The following IFNLR1 variants were observed in gnomAD, a reference collection of about 807,000 sequenced individuals.
IFNLR1 encodes CRF2-12.
IFNLR1 carries 28 observed loss-of-function variants against 52.5 expected under a neutral mutation model. The ratio of observed to expected loss-of-function variants is 0.53; its 90% CI spans 0.40 to 0.73. The LOEUF is 0.73. Among genes scored for constraint, IFNLR1 ranks in the 30% least tolerant of loss-of-function variants. The probability of loss-of-function intolerance (pLI) is 0.00; values close to 1 mark genes in which losing one functional copy is unlikely to be tolerated. For missense variants in IFNLR1, 623 were observed against 659.1 expected, an observed-to-expected ratio of 0.95 and a Z score of 0.60; for synonymous variants, 276 against 274.9, an observed-to-expected ratio of 1.00 and a Z score of -0.04.
intron 2 of IFNLR1, among the ~76,000 whole-genome samples, chr1:24,173,433 T>TAA (rs771942245): frequency 1.1e-4 from 16 of 152,152 alleles, no homozygotes; most frequent in Non-Finnish European, 2.1e-4. Context: ...AAAAGACTGA[T>TAA]AATACTAAGT....
Position 24,157,064 on chromosome 1 carries a change from G to T in IFNLR1, c.*66C>A. The T allele has an allele frequency of 6.6e-7, 1 of 1,519,196 alleles. No individual in the cohort carries two copies. The highest frequency in any genetic ancestry group is 8.8e-7 in the Non-Finnish European group (1 of 1,132,690). 94.1% of individuals were successfully genotyped at this position (1,519,196 alleles called of 1,614,324 possible). A position where few individuals can be genotyped will look rare whatever the true frequency, so the allele number is the denominator to read the frequency against. On this transcript the variant is annotated 3_prime_UTR_variant, in exon 7 of 7. Coordinates refer to ENST00000327535, the MANE Select transcript of IFNLR1 (RefSeq NM_170743.4). This position sits in a 1 kb window ranked among gnomAD's most constrained non-coding sequence, Gnocchi z 5.1. ...AGGTACGGAGGCTCTTGAGTTTCTT[G>T]GGAAGCCCAGTAGTCCTTGCAAAGG...
rs752104875 is a variant in IFNLR1 at position 24,162,876 on chromosome 1, TTTCC to T, written c.368-1196_368-1193del. On this transcript the variant is annotated intron_variant, in intron 3 of 6. Transcript: ENST00000327535. Reference sequence around the variant, plus strand: ...CTTTCTTTCTTTCTTTCTTTCTTTCTTTCCTTCCTTCCTTCCTTCCTTCCTTCCT... The same window carrying T: ...CTTTCTTTCTTTCTTTCTTTCTTTCTTTCCTTCCTTCCTTCCTTCCTTCCT... 3.8e-3 allele frequency among the ~76,000 whole-genome samples: 85 copies of T among 22,590 alleles called. 1 individual carries two copies. Among genetic ancestry groups the T allele is most frequent in the Middle Eastern group, 0.027 (2 of 74 alleles). 14.8% of individuals were successfully genotyped at this position (22,590 alleles called of 152,430 possible). A position where few individuals can be genotyped will look rare whatever the true frequency, so the allele number is the denominator to read the frequency against.
Position 24,159,538 on chromosome 1 carries a change from G to A in IFNLR1, c.606C>T (p.Tyr202=), listed in dbSNP as rs1168450286. The A allele has an allele frequency of 4.3e-6, 7 of 1,614,006 alleles. No individual in the cohort carries two copies. The Admixed American group carries it at 6.7e-5, about 15-fold the overall frequency. ...EHHCLSARTI[Y]TFSVPKYSKF... is the part of the protein sequence containing the mutation. The stretch of plus-strand genomic sequence containing the variant: ...TGCTGTATTTCGGGACACTGAACGT[G>A]TAGATGGTTCTGGCACTGAGGCAGT... The change falls in exon 5 of 7, where the codon TAC becomes TAT. Residue 202 remains tyrosine, a synonymous_variant. Coordinates refer to ENST00000327535, the MANE Select transcript of IFNLR1 (RefSeq NM_170743.4).
rs1233239343 is a variant in IFNLR1 at position 24,162,782 on chromosome 1, CTTTCTTTTTCTTTCTTTCTTT to C, written c.368-1119_368-1099del. On this transcript the variant is annotated intron_variant, in intron 3 of 6. Transcript: ENST00000327535. ...TTTCTTTCTTTCTTTCTTTCTTTTTCTTTCTTTTTCTTTCTTTCTTTTTTCTTTCTTTTTTTCTTCTTTCTT... is the reference window on the plus strand; with the variant it reads ...TTTCTTTCTTTCTTTCTTTCTTTTTCTTTCTTTCTTTTTTTCTTCTTTCTT... Among the ~76,000 whole-genome samples, 43 of 69,020 alleles carry C rather than the reference CTTTCTTTTTCTTTCTTTCTTT, an allele frequency of 6.2e-4. 4 individuals carry two copies. Among genetic ancestry groups the C allele is most frequent in the African/African-American group, 2.3e-3 (42 of 18,078 alleles). The allele number at this position is 69,020 out of a possible 152,430, so 45.3% of individuals were successfully genotyped here.
At chr1:24,170,266 A>G (rs1185208068) in intron 2 of IFNLR1, among the ~76,000 whole-genome samples, 2 of 152,246 alleles carry the variant, frequency 1.3e-5, no homozygotes, top group African/African-American at 4.8e-5. Flanking sequence ...GCTATTATTT[A>G]TTAATAGCAA....
chr1:24,158,142 G>A (rs571543418), intron 6 of IFNLR1, among the ~76,000 whole-genome samples: 2 of 152,290 alleles, frequency 1.3e-5, no homozygotes, highest in South Asian at 4.1e-4. Flanking sequence ...CTGGGCACAC[G>A]CACCTCAGAA....
chr1:24,183,501 C>T (rs964620693), intron 1 of IFNLR1, among the ~76,000 whole-genome samples: 1 of 152,100 alleles, frequency 6.6e-6, no homozygotes, highest in Non-Finnish European at 1.5e-5. Context: ...GTGGGAGTTT[C>T]GCCTGAGCCC....
intron 4 of IFNLR1, 82 bp from the exon 5 acceptor site, chr1:24,159,715 C>T: frequency 1.2e-6 from 1 of 844,656 alleles, no homozygotes; most frequent in Non-Finnish European, 1.7e-6. Context: ...GGTTGGCAGA[C>T]ATGGTAGGGT....
At chr1:24,164,842 A>G (rs1401006465) in intron 3 of IFNLR1, among the ~76,000 whole-genome samples, 2 of 149,356 alleles carry the variant, frequency 1.3e-5, no homozygotes, top group Non-Finnish European at 3.0e-5. Context: ...GGCTCACTGC[A>G]ACCTCCGCCT....
At chr1:24,186,200 C>T (rs1415354760) in intron 1 of IFNLR1, among the ~76,000 whole-genome samples, 1 of 152,138 alleles carries the variant, frequency 6.6e-6, no homozygotes, top group Non-Finnish European at 1.5e-5. Flanking sequence ...GCATCCCTGG[C>T]TGGCCTAGTG....
chr1:24,172,963 C>T (rs539201539), intron 2 of IFNLR1, among the ~76,000 whole-genome samples: 1 of 152,230 alleles, frequency 6.6e-6, no homozygotes, highest in South Asian at 2.1e-4. Context: ...GATTAGGGCC[C>T]ACCCTTATGA....
chr1:24,167,421 G>C (rs1012516378), intron 3 of IFNLR1, among the ~76,000 whole-genome samples: 1 of 151,506 alleles, frequency 6.6e-6, no homozygotes, highest in African/African-American at 2.4e-5. Context: ...GTCTTGCTCT[G>C]TCACCCAGGC....
chr1:24,182,214 A>G (rs1247460769), intron 1 of IFNLR1, among the ~76,000 whole-genome samples: 1 of 151,822 alleles, frequency 6.6e-6, no homozygotes, highest in African/African-American at 2.4e-5. Flanking sequence ...AAAAAAAAAA[A>G]AAAGTGTTCC....
At position 24,159,090 on chromosome 1, in the gene IFNLR1, T is replaced by TC. The variant is rs1362765201; in HGVS notation, c.762dup (p.Asn255GlufsTer35). ...ATCTTTGCCCGCTGAAACCAGGGGTTCCCCATGAGGGTCTTCCAGATCACA... is the reference window on the plus strand; with the variant it reads ...ATCTTTGCCCGCTGAAACCAGGGGTTCCCCCATGAGGGTCTTCCAGATCACA... On this transcript the variant is annotated frameshift_variant, in exon 6 of 7. Transcript: ENST00000327535. LOFTEE classifies it high-confidence loss of function. The TC allele has an allele frequency of 2.5e-6, 4 of 1,613,906 alleles. No individual in the cohort carries two copies. The highest frequency in any genetic ancestry group is 1.3e-5 in the African/African-American group (1 of 74,868).
chr1:24,184,393 C>T (rs1451600138), intron 1 of IFNLR1, among the ~76,000 whole-genome samples: 1 of 152,176 alleles, frequency 6.6e-6, no homozygotes, highest in African/African-American at 2.4e-5. Flanking sequence ...ACACCACTCC[C>T]CAGTTTCATG....
At position 24,157,105 on chromosome 1, in the gene IFNLR1, A is replaced by T; in HGVS notation, c.*25T>A. 1 of 1,581,928 alleles carries T rather than the reference A, an allele frequency of 6.3e-7. No individual in the cohort carries two copies. Among genetic ancestry groups the T allele is most frequent in the Non-Finnish European group, 8.6e-7 (1 of 1,165,356 alleles). ...CTTGCAAAGGCAGCAGCAGCATCAG[A>T]TTCGGTGGGATGTCGGGGGACAGCT... On this transcript the variant is annotated 3_prime_UTR_variant, in exon 7 of 7. Coordinates refer to ENST00000327535, the MANE Select transcript of IFNLR1 (RefSeq NM_170743.4). This position sits in a 1 kb window ranked among gnomAD's most constrained non-coding sequence, Gnocchi z 5.1.
Position 24,180,724 on chromosome 1 carries a change from CCT to C in IFNLR1, c.182+5_182+6del. On this transcript the variant is annotated splice_donor_5th_base_variant and intron_variant, in intron 2 of 6. Transcript: ENST00000327535. Reference sequence around the variant, plus strand: ...TCCCATCCACCAGCCGAGAGAGTCCCCTCTACCTCTGATAGGCCACAAAATAG... The same window carrying C: ...TCCCATCCACCAGCCGAGAGAGTCCCCTACCTCTGATAGGCCACAAAATAG... 6.2e-7 allele frequency: 1 copy of C among 1,608,424 alleles called. No homozygotes were observed. The highest frequency in any genetic ancestry group is 8.5e-7 in the Non-Finnish European group (1 of 1,176,806).
At chr1:24,174,073 G>T (rs757990536) in intron 2 of IFNLR1, among the ~76,000 whole-genome samples, 5 of 151,440 alleles carry the variant, frequency 3.3e-5, no homozygotes, top group Admixed American at 2.6e-4. Flanking sequence ...GAAGTAATAA[G>T]GCTGGGGCCC....
At chr1:24,162,928 T>TC (rs1187260850) in intron 3 of IFNLR1, among the ~76,000 whole-genome samples, 21 of 98,030 alleles carry the variant, frequency 2.1e-4, no homozygotes, top group Non-Finnish European at 3.4e-4. Context: ...TTTCTTTCTT[T>TC]TCTTTCTTTC....
Sources: gnomAD v4.1 joint callset for allele counts (sites outside exome capture counted in the v4.1 genomes callset) on GRCh38, gnomAD v4.1.1 for gene constraint, Gnocchi (gnomAD v3.1) non-coding constraint, MANE v1.5 for transcripts, NCBI Gene and HGNC (gene_info 2026-07-23, HGNC 2026-07-21) for gene names.